The following ZNF248 variants were observed in gnomAD, a reference collection of about 807,000 sequenced individuals.
ZNF248 encodes the protein KRAB protein domain.
ZNF248 carries 20 observed loss-of-function variants against 44.3 expected under a neutral mutation model. The ratio of observed to expected loss-of-function variants is 0.45; its 90% CI spans 0.32 to 0.66. ZNF248 has a LOEUF of 0.66. Ranked by LOEUF, ZNF248 falls within the 30% of genes least tolerant of loss-of-function variation. The pLI is 0.04. For synonymous variants in ZNF248, 224 were observed against 229.0 expected (o/e 0.98, Z 0.20); for missense variants, 654 against 677.0 (o/e 0.97, Z 0.38).
In ZNF248 at chr10:37,807,387, A is replaced by T. The variant is rs1021716080; in HGVS notation, c.330+25638T>A. Reference sequence around the variant, plus strand: ...GACCTCCAATGTTGTTCTTTATTAAAATTATTTTGACTATCGGGGGTCCCT... The same window carrying T: ...GACCTCCAATGTTGTTCTTTATTAATATTATTTTGACTATCGGGGGTCCCT... On this transcript the variant is annotated intron_variant, in intron 6 of 6. Transcript: ENST00000615949. Among the ~76,000 whole-genome samples, 14 of 152,234 alleles carry T rather than the reference A, an allele frequency of 9.2e-5. No individual in the cohort carries two copies. The East Asian group carries it at 2.7e-3, about 29-fold the overall frequency.
Position 37,831,154 on chromosome 10 carries a change from C to A in ZNF248, c.*461G>T, listed in dbSNP as rs532568009. ...CATAGTAGTTACTCAATTAAGGGTA[C>A]GTATCTTCTCCTTATGATCATGTTG... On this transcript the variant is annotated 3_prime_UTR_variant, in exon 6 of 6. Transcript: ENST00000395867. 2 of 1,497,436 alleles carry A rather than the reference C, an allele frequency of 1.3e-6. No homozygotes were observed. The highest frequency in any genetic ancestry group is 2.8e-5 in the African/African-American group (2 of 71,252). The allele number at this position is 1,497,436 out of a possible 1,614,324, so 92.8% of individuals were successfully genotyped here.
At chr10:37,823,716 G>A (rs1376105382) in intron 6 of ZNF248, among the ~76,000 whole-genome samples, 1 of 151,964 alleles carries the variant, frequency 6.6e-6, no homozygotes, top group African/African-American at 2.4e-5. Context: ...TAGGGCTACA[G>A]GCACATGCCA....
intron 6 of ZNF248, among the ~76,000 whole-genome samples, chr10:37,812,151 C>T (rs1439999160): frequency 6.6e-6 from 1 of 151,824 alleles, no homozygotes. Context: ...GTGAGAGGAT[C>T]GATTGATCCC....
chr10:37,840,640 G>A (rs1243128128), intron 3 of ZNF248, among the ~76,000 whole-genome samples: 4 of 152,176 alleles, frequency 2.6e-5, no homozygotes, highest in South Asian at 2.1e-4. Flanking sequence ...TAAATTAGCC[G>A]GGTGTAGTGG....
chr10:37,809,415 T>C (rs1357610690), intron 6 of ZNF248, among the ~76,000 whole-genome samples: 2 of 152,134 alleles, frequency 1.3e-5, no homozygotes, highest in African/African-American at 4.8e-5. Context: ...GCAGCTGAGA[T>C]TACAGGCACC....
At chr10:37,773,143 G>A (rs758168556), downstream of ZNF248, among the ~76,000 whole-genome samples, 4 of 152,184 alleles carry the variant, frequency 2.6e-5, no homozygotes, top group Non-Finnish European at 5.9e-5. Context: ...CTACTCAGGA[G>A]GCTGAGGCAG....
intron 6 of ZNF248, among the ~76,000 whole-genome samples, chr10:37,782,145 C>T (rs1357183252): frequency 6.6e-6 from 1 of 152,124 alleles, no homozygotes; most frequent in Non-Finnish European, 1.5e-5. Flanking sequence ...GTCAATCTAC[C>T]AAGAGTATGT....
rs2055820084 is a variant in ZNF248 at position 37,832,063 on chromosome 10, G to A, written c.1292C>T (p.Thr431Ile). ...CTTACATTCATAGGGTTTTTCTCCTGTATGTGTTCGCTGATGGTTGGTCAG... is the reference window on the plus strand; with the variant it reads ...CTTACATTCATAGGGTTTTTCTCCTATATGTGTTCGCTGATGGTTGGTCAG... ...PHLTNHQRTH[T>I]GEKPYECKQC... is the part of the protein sequence containing the mutation. Residue 431 changes from threonine (T) to isoleucine (I), a missense_variant, in exon 6 of 6, where the codon ACA becomes ATA. By Grantham distance (89) the Thr-to-Ile change is moderately conservative (BLOSUM62 -1). Transcript: ENST00000395867. 1 of 1,613,900 alleles carries A rather than the reference G, an allele frequency of 6.2e-7. No individual in the cohort carries two copies. The highest frequency in any genetic ancestry group is 8.5e-7 in the Non-Finnish European group (1 of 1,179,958).
chr10:37,829,557 A>C lies in ZNF248; in HGVS notation c.*2058T>G. ...CTAAGTATCAGACAGCCCTAAGACC[A>C]AATAAAAAACAGTTATTGAGGGTTA... On this transcript the variant is annotated 3_prime_UTR_variant, in exon 6 of 6. Transcript: ENST00000395867. 4.1e-6 allele frequency: 4 copies of C among 985,396 alleles called. No homozygotes were observed. Among genetic ancestry groups the C allele is most frequent in the Non-Finnish European group, 4.8e-6 (4 of 829,936 alleles). 61.0% of individuals were successfully genotyped at this position (985,396 alleles called of 1,614,324 possible). A position where few individuals can be genotyped will look rare whatever the true frequency, so the allele number is the denominator to read the frequency against.
intron 5 of ZNF248, among the ~76,000 whole-genome samples, chr10:37,836,094 C>A (rs1431491563): frequency 6.6e-6 from 1 of 152,132 alleles, no homozygotes; most frequent in Non-Finnish European, 1.5e-5. Context: ...CATACCCAAT[C>A]TGAAAGCAAA....
rs754706402 is a variant in ZNF248 at position 37,832,976 on chromosome 10, T to C, written c.379A>G (p.Thr127Ala). 1.9e-6 allele frequency: 3 copies of C among 1,613,742 alleles called. No individual in the cohort carries two copies. The highest frequency in any genetic ancestry group is 2.5e-6 in the Non-Finnish European group (3 of 1,179,756). The change falls in exon 6 of 6, where the codon ACA becomes GCA. Residue 127 changes from threonine (T) to alanine (A), a missense_variant. Physicochemically the swap from Thr to Ala is moderately conservative, Grantham distance 58. Coordinates refer to ENST00000395867, the MANE Select transcript of ZNF248 (RefSeq NM_021045.3). ...TAATTTCTTAAAGAAACAGGGTCTG[T>C]GCCCAAATTGAAAGTTTTGCTTCCT... Reference protein sequence around the residue: ...DRGSKTFNLGTDPVSLRNYPY... With the variant: ...DRGSKTFNLGADPVSLRNYPY...
Position 37,832,492 on chromosome 10 carries a change from T to G in ZNF248, c.863A>C (p.Gln288Pro). 6.2e-7 allele frequency: 1 copy of G among 1,613,972 alleles called. No individual in the cohort carries two copies. The highest frequency in any genetic ancestry group is 8.5e-7 in the Non-Finnish European group (1 of 1,179,932). ...SFCMNLRFGH[Q>P]RALTKDNPYE... Reference sequence around the variant, plus strand: ...AGGATTGTCCTTTGTAAGAGCTCTCTGATGTCCAAACCTTAAATTCATGCA... The same window carrying G: ...AGGATTGTCCTTTGTAAGAGCTCTCGGATGTCCAAACCTTAAATTCATGCA... Residue 288 changes from glutamine (Q) to proline (P), a missense_variant, in exon 6 of 6, where the codon CAG becomes CCG. Coordinates refer to ENST00000395867, the MANE Select transcript of ZNF248 (RefSeq NM_021045.3).
chr10:37,820,187 T>C, intron 6 of ZNF248: 1 of 1,239,464 alleles, frequency 8.1e-7, no homozygotes. Context: ...TGTTTTCTAG[T>C]GCAGATATTT....
At chr10:37,789,983 C>T (rs538611086) in intron 6 of ZNF248, among the ~76,000 whole-genome samples, 37 of 151,922 alleles carry the variant, frequency 2.4e-4, no homozygotes, top group African/African-American at 6.3e-4. Flanking sequence ...TGCCTGGGGC[C>T]GGGCGCCATG....
chr10:37,771,088 G>T, the ZNF248 span, among the ~76,000 whole-genome samples: 2 of 152,170 alleles, frequency 1.3e-5, no homozygotes, highest in Non-Finnish European at 2.9e-5. Flanking sequence ...TCTCACACCA[G>T]TTAGAATGGC....
chr10:37,802,047 T>C lies in ZNF248; in HGVS notation c.331-25472A>G, dbSNP rs992595104. On this transcript the variant is annotated intron_variant, in intron 6 of 6. Coordinates refer to the ZNF248 transcript ENST00000615949. ...CGATAATCTGGGACATTATAGGACC[T>C]GCATGTATTGAAAACTGACTTTGCT... Among the ~76,000 whole-genome samples, 3 of 152,230 alleles carry C rather than the reference T, an allele frequency of 2.0e-5. 1 individual carries two copies. Among genetic ancestry groups the C allele is most frequent in the South Asian group, 4.1e-4 (2 of 4,826 alleles).
At chr10:37,768,478 C>T in the ZNF248 span, among the ~76,000 whole-genome samples, 1 of 152,170 alleles carries the variant, frequency 6.6e-6, no homozygotes, top group Non-Finnish European at 1.5e-5. Context: ...CACTCAAAAT[C>T]GCTCAACTAC....
At chr10:37,813,919 G>A (rs991813800) in intron 6 of ZNF248, among the ~76,000 whole-genome samples, 2 of 152,148 alleles carry the variant, frequency 1.3e-5, no homozygotes, top group African/African-American at 4.8e-5. Context: ...ACACAGATTA[G>A]AACCTGAGTC....
the ZNF248 span, among the ~76,000 whole-genome samples, chr10:37,764,386 G>A: frequency 1.2e-4 from 19 of 152,258 alleles, no homozygotes; most frequent in South Asian, 1.9e-3. Flanking sequence ...ATGACAATGC[G>A]TGCCCGAAAC....
Sources: gnomAD v4.1 joint callset for allele counts (sites outside exome capture counted in the v4.1 genomes callset) on GRCh38, gnomAD v4.1.1 for gene constraint, MANE v1.5 for transcripts, NCBI Gene and HGNC (gene_info 2026-07-23, HGNC 2026-07-21) for gene names.